USP16: variants seen among roughly 807,000 people sequenced by gnomAD.
The protein encoded by USP16 is ubiquitin carboxyl-terminal hydrolase 16.
A neutral mutation model predicts 95.9 loss-of-function variants in USP16; 77 were observed. That is an observed-to-expected ratio of 0.80 (90% CI 0.67 to 0.97). USP16 has a LOEUF of 0.97. Among genes scored for constraint, USP16 ranks in the 50% least tolerant of loss-of-function variants. USP16 has a pLI of 0.00. For synonymous variants in USP16, 303 were observed against 318.2 expected (o/e 0.95, Z 0.51); for missense variants, 943 against 959.9 (o/e 0.98, Z 0.23).
chr21:29,031,260 G>T (rs1262459420), intron 3 of USP16, among the ~76,000 whole-genome samples: 2 of 152,140 alleles, frequency 1.3e-5, no homozygotes, highest in East Asian at 1.9e-4. Flanking sequence ...GGCAGTGAGG[G>T]CATGTCTGGC....
rs61735763 is a variant in USP16 at position 29,034,887 on chromosome 21, G to A, written c.291G>A (p.Thr97=). The change falls in exon 4 of 18, where the codon ACG becomes ACA. Residue 97 remains threonine (T), a synonymous_variant. Coordinates refer to ENST00000399976, the MANE Select transcript of USP16 (RefSeq NM_006447.3). ...AGCATGCCTTGAAGCACTATCTGACGCCAAGATCTGAACCTCACTGTCTGG... is the reference window on the plus strand; with the variant it reads ...AGCATGCCTTGAAGCACTATCTGACACCAAGATCTGAACCTCACTGTCTGG... ...QEQHALKHYL[T]PRSEPHCLVL... 65,163 of 1,613,880 alleles carry A rather than the reference G, an allele frequency of 0.04. 1,509 individuals are homozygous for A. The highest frequency in any genetic ancestry group is 0.089 in the Middle Eastern group (537 of 6,060).
intron 16 of USP16, among the ~76,000 whole-genome samples, chr21:29,050,467 T>G (rs563168546): frequency 1.3e-5 from 2 of 152,314 alleles, no homozygotes; most frequent in South Asian, 4.1e-4. Flanking sequence ...CTGTTTAATG[T>G]GGTTGAATGT....
At chr21:29,051,695 G>A (rs2085416709) in intron 16 of USP16, among the ~76,000 whole-genome samples, 1 of 152,166 alleles carries the variant, frequency 6.6e-6, no homozygotes. Context: ...GCCAGGCATG[G>A]TGGTGTGCGC....
In USP16 at chr21:29,037,261, T is replaced by G; in HGVS notation, c.449-15T>G. 1.3e-6 allele frequency: 2 copies of G among 1,482,738 alleles called. No homozygotes were observed. Among genetic ancestry groups the G allele is most frequent in the South Asian group, 2.6e-5 (2 of 77,870 alleles). The allele number at this position is 1,482,738 out of a possible 1,614,324, so 91.8% of individuals were successfully genotyped here. On this transcript the variant is annotated splice_polypyrimidine_tract_variant and intron_variant, in intron 5 of 17. Coordinates refer to ENST00000399976, the MANE Select transcript of USP16 (RefSeq NM_006447.3). The stretch of plus-strand genomic sequence containing the variant: ...CTGTATTACACATTTTGCTAAATCT[T>G]TTCTTTTTTTAAAGCAGAGAAAGAT...
At chr21:29,049,990 CTTAATG>C (rs1242011872) in intron 15 of USP16, 96 bp from the exon 16 acceptor site, 1 of 984,638 alleles carries the variant, frequency 1.0e-6, no homozygotes, top group African/African-American at 1.6e-5. Context: ...TGAACTAGGA[CTTAATG>C]TTGATATTCT....
At chr21:29,053,604 G>A (rs2085449183) in intron 16 of USP16, 198 bp from the exon 17 acceptor site, 1 of 505,452 alleles carries the variant, frequency 2.0e-6, no homozygotes, top group African/African-American at 1.9e-5. Context: ...TCTACCAGGG[G>A]AACAATGGTG....
intron 14 of USP16, 151 bp downstream of exon 14, chr21:29,047,472 A>C (rs1280802029): frequency 6.3e-6 from 6 of 951,548 alleles, no homozygotes; most frequent in Admixed American, 3.1e-5. Context: ...GAAAAGTAGG[A>C]CTTTATTGAA....
chr21:29,035,870 G>T (rs1216089126), intron 4 of USP16, among the ~76,000 whole-genome samples: 1 of 152,046 alleles, frequency 6.6e-6, no homozygotes, highest in Non-Finnish European at 1.5e-5. Flanking sequence ...AGTGAGCCGA[G>T]ATCCTGCCAC....
chr21:29,051,650 G>A (rs371849624), intron 16 of USP16, among the ~76,000 whole-genome samples: 68 of 152,298 alleles, frequency 4.5e-4, no homozygotes, highest in African/African-American at 1.5e-3. Flanking sequence ...GGCCAGCATG[G>A]TGAAACCCTG....
chr21:29,037,464 G>A lies in USP16; in HGVS notation c.636+1G>A. On this transcript the variant is annotated splice_donor_variant, in intron 6 of 17. Transcript: ENST00000399976. LOFTEE classifies it high-confidence loss of function. ...ATGTTTCTTCAATGCAGTTATGCAG[G>A]TACATTGTCATTTTTTTCCCTTTAA... 6.4e-7 allele frequency: 1 copy of A among 1,550,490 alleles called. No homozygotes were observed. Among genetic ancestry groups the A allele is most frequent in the Non-Finnish European group, 8.7e-7 (1 of 1,152,426 alleles).
chr21:29,042,251 A>G, intron 11 of USP16, 147 bp downstream of exon 11: 1 of 848,176 alleles, frequency 1.2e-6, no homozygotes, highest in South Asian at 1.9e-5. Flanking sequence ...TCTTTGTGGG[A>G]AATGTCAGCA....
intron 10 of USP16, among the ~76,000 whole-genome samples, chr21:29,041,121 A>G (rs2085237332): frequency 6.6e-6 from 1 of 152,144 alleles, no homozygotes; most frequent in Admixed American, 6.5e-5. Context: ...GCAACTAGGC[A>G]CGTGTGGCGC....
At chr21:29,051,359 A>G (rs893676172) in intron 16 of USP16, among the ~76,000 whole-genome samples, 2 of 152,324 alleles carry the variant, frequency 1.3e-5, no homozygotes, top group East Asian at 3.9e-4. Context: ...CAGGGCACAG[A>G]TTTAGAAATC....
rs914092694 is a variant in USP16 at position 29,024,797 on chromosome 21, C to T, written c.-42+20C>T. Reference sequence around the variant, plus strand: ...CCGTGGGTGAGTTCTGGTCCCACTGCCTGGCAGTCGTCGCTCGCCTGGCTT... The same window carrying T: ...CCGTGGGTGAGTTCTGGTCCCACTGTCTGGCAGTCGTCGCTCGCCTGGCTT... On this transcript the variant is annotated intron_variant, in intron 1 of 17. Transcript: ENST00000399976. 4 of 1,263,820 alleles carry T rather than the reference C, an allele frequency of 3.2e-6. No homozygotes were observed. The South Asian group carries it at 5.1e-5, about 16-fold the overall frequency. 78.3% of individuals were successfully genotyped at this position (1,263,820 alleles called of 1,614,324 possible). A position where few individuals can be genotyped will look rare whatever the true frequency, so the allele number is the denominator to read the frequency against.
chr21:29,026,537 CTTTTTTTTTTT>C (rs60837311), intron 1 of USP16: 1 of 32,492 alleles, frequency 3.1e-5, no homozygotes, highest in East Asian at 5.2e-4. Flanking sequence ...TGCATTTTAC[CTTTTTTTTTTT>C]TTTTTTTTTT....
chr21:29,038,400 A>G lies in USP16; in HGVS notation c.702A>G (p.Val234=). 1.2e-6 allele frequency: 2 copies of G among 1,613,026 alleles called. No homozygotes were observed. The highest frequency in any genetic ancestry group is 1.7e-6 in the Non-Finnish European group (2 of 1,179,280). The change falls in exon 7 of 18, where the codon GTA becomes GTG. Residue 234 remains valine (V), a synonymous_variant. Transcript: ENST00000399976. The stretch of plus-strand genomic sequence containing the variant: ...AAGTGAAAATGTCTGGAACAATTGT[A>G]AAAATTGAACCACCTGATTTGGCAT... ...LKEVKMSGTI[V]KIEPPDLALT...
At position 29,046,651 on chromosome 21, in the gene USP16, T is replaced by G. The variant is rs1452071334; in HGVS notation, c.1357-16T>G. 10 of 1,581,082 alleles carry G rather than the reference T, an allele frequency of 6.3e-6. No homozygotes were observed. Among genetic ancestry groups the G allele is most frequent in the Non-Finnish European group, 6.8e-6 (8 of 1,168,684 alleles). ...TCTTTTTCTTTATTTTTTGATGCCG[T>G]ATACTTTTTACCCAGAACCAACGAA... On this transcript the variant is annotated splice_polypyrimidine_tract_variant and intron_variant, in intron 13 of 17. Transcript: ENST00000399976.
intron 5 of USP16, 72 bp from the exon 6 acceptor site, chr21:29,037,204 G>A (rs1446665269): frequency 3.2e-5 from 33 of 1,016,182 alleles, no homozygotes; most frequent in African/African-American, 1.7e-5. Flanking sequence ...CTCTAGTACT[G>A]TTTCCCAAGT....
chr21:29,037,526 C>A, intron 6 of USP16, 63 bp downstream of exon 6: 1 of 1,184,278 alleles, frequency 8.4e-7, no homozygotes, highest in Non-Finnish European at 1.1e-6. Flanking sequence ...CTGCTACTTA[C>A]ATTATTGAGT....
Sources: gnomAD v4.1 joint callset for allele counts (sites outside exome capture counted in the v4.1 genomes callset) on GRCh38, gnomAD v4.1.1 for gene constraint, MANE v1.5 for transcripts, NCBI Gene and HGNC (gene_info 2026-07-23, HGNC 2026-07-21) for gene names.